Variants in DOCK3 observed in about 807,000 individuals in gnomAD.
DOCK3 encodes dedicator of cytokinesis protein 3.
DOCK3 carries 60 observed loss-of-function variants against 265.6 expected under a neutral mutation model. The ratio of observed to expected loss-of-function variants is 0.23; its 90% CI spans 0.18 to 0.28. The LOEUF (loss-of-function observed/expected upper bound fraction) is 0.28. Among genes scored for constraint, DOCK3 ranks in the 10% least tolerant of loss-of-function variants. DOCK3 has a pLI of 1.00. For missense variants in DOCK3, 1,981 were observed against 2,594.3 expected, an observed-to-expected ratio of 0.76 and a Z score of 5.14; for synonymous variants, 881 against 938.0, an observed-to-expected ratio of 0.94 and a Z score of 1.11.
At chr3:51,105,213 A>G (rs534293017) in intron 9 of DOCK3, among the ~76,000 whole-genome samples, 1 of 152,256 alleles carries the variant, frequency 6.6e-6, no homozygotes, top group Non-Finnish European at 1.5e-5. Context: ...GGCCTTATGT[A>G]TAAAGAAGAT....
In DOCK3 at chr3:51,016,960, T is replaced by TCA. The variant is rs1553734355; in HGVS notation, c.316-47488_316-47487insCA. On this transcript the variant is annotated intron_variant, in intron 5 of 52. Coordinates refer to ENST00000266037, the MANE Select transcript of DOCK3 (RefSeq NM_004947.5). ...ATATATGTTATATATAATATATATATTATATATATATAAATAAATGGTAAA... is the reference window on the plus strand; with the variant it reads ...ATATATGTTATATATAATATATATATCATATATATATATAAATAAATGGTAAA... Among the ~76,000 whole-genome samples the TCA allele has an allele frequency of 7.5e-5, 8 of 106,888 alleles. No homozygotes were observed. In the East Asian group the frequency reaches 1.9e-3, roughly 25 times the overall value. The allele number at this position is 106,888 out of a possible 152,430, so 70.1% of individuals were successfully genotyped here.
chr3:50,832,682 A>G (rs907235387), intron 2 of DOCK3, among the ~76,000 whole-genome samples: 2 of 152,122 alleles, frequency 1.3e-5, no homozygotes, highest in Non-Finnish European at 2.9e-5. Flanking sequence ...CTTTTATTCA[A>G]ACGCCTCTGA....
intron 22 of DOCK3, among the ~76,000 whole-genome samples, chr3:51,256,382 T>A (rs1560297572): frequency 6.6e-6 from 1 of 152,194 alleles, no homozygotes; most frequent in Non-Finnish European, 1.5e-5. Context: ...GTGATTCTCC[T>A]GCCTTAGTCT....
chr3:51,320,992 C>T (rs2083688251), intron 32 of DOCK3, among the ~76,000 whole-genome samples: 1 of 152,220 alleles, frequency 6.6e-6, no homozygotes, highest in South Asian at 2.1e-4. Flanking sequence ...GTCAGACTGC[C>T]TCCTCAAGTG....
chr3:51,019,985 G>A (rs2079516400), intron 5 of DOCK3, among the ~76,000 whole-genome samples: 1 of 151,818 alleles, frequency 6.6e-6, no homozygotes, highest in South Asian at 2.1e-4. Flanking sequence ...GTTCCTTTGG[G>A]TATATACAGA....
intron 20 of DOCK3, among the ~76,000 whole-genome samples, chr3:51,236,766 A>G (rs1031859009): frequency 6.6e-6 from 1 of 152,186 alleles, no homozygotes; most frequent in Non-Finnish European, 1.5e-5. Context: ...TTTTTCACTT[A>G]CAAAGTAGGA....
chr3:50,966,483 G>GTTTTTTTTTTTTTTTTTTTTTTTT, intron 5 of DOCK3, among the ~76,000 whole-genome samples: 1 of 116,904 alleles, frequency 8.6e-6, no homozygotes, highest in Non-Finnish European at 1.7e-5. Flanking sequence ...GTTATCTCTT[G>GTTTTTTTTTTTTTTTTTTTTTTTT]TTTTTTTTTT....
At chr3:51,278,112 T>C in intron 26 of DOCK3, 2 of 985,428 alleles carry the variant, frequency 2.0e-6, no homozygotes, top group African/African-American at 3.5e-5. Context: ...AACCCCCTCA[T>C]ACAGGTTCTC....
intron 5 of DOCK3, among the ~76,000 whole-genome samples, chr3:50,935,656 C>T (rs1431903750): frequency 6.6e-6 from 1 of 152,214 alleles, no homozygotes; most frequent in African/African-American, 2.4e-5. Flanking sequence ...CCCTGTCTTC[C>T]ATCCTTGCCC....
chr3:50,990,767 G>A (rs1037765689), intron 5 of DOCK3, among the ~76,000 whole-genome samples: 15 of 152,178 alleles, frequency 9.9e-5, no homozygotes, highest in African/African-American at 3.6e-4. Flanking sequence ...AATGATGGAG[G>A]CTGGGAGGGT....
chr3:50,698,485 T>C (rs1193298303), intron 1 of DOCK3, among the ~76,000 whole-genome samples: 1 of 148,380 alleles, frequency 6.7e-6, no homozygotes, highest in Non-Finnish European at 1.5e-5. Flanking sequence ...TGGACATTCA[T>C]GTACAAGTTT....
chr3:50,873,856 C>T (rs377748486), intron 3 of DOCK3, among the ~76,000 whole-genome samples: 5 of 152,104 alleles, frequency 3.3e-5, no homozygotes, highest in Admixed American at 6.5e-5. Context: ...TCCCAATTTC[C>T]GCGCTGTTTC....
intron 31 of DOCK3, among the ~76,000 whole-genome samples, chr3:51,313,784 T>A (rs1183483078): frequency 6.6e-6 from 1 of 152,168 alleles, no homozygotes; most frequent in Non-Finnish European, 1.5e-5. Flanking sequence ...TGAGTGGGGA[T>A]GCATTTCCCC....
At chr3:51,248,617 C>T (rs1294921480) in intron 22 of DOCK3, among the ~76,000 whole-genome samples, 1 of 152,038 alleles carries the variant, frequency 6.6e-6, no homozygotes, top group Non-Finnish European at 1.5e-5. Flanking sequence ...GCCGCCACCC[C>T]GTCTGGGCAG....
chr3:51,241,101 C>G (rs2078593380), intron 21 of DOCK3, among the ~76,000 whole-genome samples: 1 of 152,094 alleles, frequency 6.6e-6, no homozygotes, highest in Admixed American at 6.6e-5. Context: ...CCTTCGGGAG[C>G]TCTTGTAAGG....
Position 51,374,647 on chromosome 3 carries a change from C to T in DOCK3, c.5412+60C>T. On this transcript the variant is annotated intron_variant, in intron 50 of 52. Coordinates refer to ENST00000266037, the MANE Select transcript of DOCK3 (RefSeq NM_004947.5). This position sits in a 1 kb window ranked among gnomAD's most constrained non-coding sequence, Gnocchi z 4.8. ...CAAGTGTGTTAGCCTGTGCTTCCCT[C>T]CTTGCATTTGCGGGGCCTTCTGCAT... 6.7e-7 allele frequency: 1 copy of T among 1,494,060 alleles called. No homozygotes were observed. The highest frequency in any genetic ancestry group is 1.9e-5 in the Admixed American group (1 of 52,542). The allele number at this position is 1,494,060 out of a possible 1,614,324, so 92.6% of individuals were successfully genotyped here.
chr3:51,106,407 C>G (rs935826486), intron 9 of DOCK3, among the ~76,000 whole-genome samples: 1 of 152,222 alleles, frequency 6.6e-6, no homozygotes, highest in South Asian at 2.1e-4. Flanking sequence ...GCAGCCTCCC[C>G]ATGCCACTTT....
At chr3:51,124,673 A>G (rs2084184668) in intron 9 of DOCK3, among the ~76,000 whole-genome samples, 1 of 152,196 alleles carries the variant, frequency 6.6e-6, no homozygotes, top group African/African-American at 2.4e-5. Context: ...CTATTTTCAA[A>G]TGCTTTATTT....
chr3:50,720,096 G>A (rs2037378996), intron 1 of DOCK3: 2 of 163,014 alleles, frequency 1.2e-5, no homozygotes, highest in African/African-American at 4.8e-5. Context: ...AATAGTGTTT[G>A]TCAAAGTTTA....
Sources: allele counts gnomAD v4.1 joint callset (sites outside exome capture counted in the v4.1 genomes callset), GRCh38; gene constraint gnomAD v4.1.1; non-coding constraint Gnocchi (gnomAD v3.1); transcripts MANE v1.5; gene names NCBI Gene and HGNC (gene_info 2026-07-23, HGNC 2026-07-21).